The following ARB2A variants were observed in gnomAD, a reference collection of about 807,000 sequenced individuals.
ARB2A encodes the protein ARB2 cotranscriptional regulator A.
At chr5:93,852,741 G>A in the ARB2A span, among the ~76,000 whole-genome samples, 11 of 152,032 alleles carry the variant, frequency 7.2e-5, no homozygotes, top group African/African-American at 2.4e-4. Context: ...TTTTTCTCAG[G>A]TTTGTCAAAG....
the ARB2A span, among the ~76,000 whole-genome samples, chr5:93,638,867 T>G: frequency 4.6e-5 from 7 of 152,196 alleles, no homozygotes; most frequent in Non-Finnish European, 8.8e-5. Flanking sequence ...GTACTGATTT[T>G]GTATCCAGCA....
At chr5:93,932,446 ATGT>A in the ARB2A span, among the ~76,000 whole-genome samples, 1 of 152,166 alleles carries the variant, frequency 6.6e-6, no homozygotes, top group Non-Finnish European at 1.5e-5. Context: ...AATAAACATA[ATGT>A]TGATGATGAT....
At chr5:93,733,505 AATT>A in the ARB2A span, 8 of 152,180 alleles carry the variant, frequency 5.3e-5, no homozygotes, top group East Asian at 1.4e-3. Flanking sequence ...GGCTACACAC[AATT>A]ATTTTCTTAT....
the ARB2A span, among the ~76,000 whole-genome samples, chr5:93,947,033 T>C: frequency 3.0e-4 from 46 of 152,324 alleles, no homozygotes; most frequent in Non-Finnish European, 4.1e-4. Flanking sequence ...ATATTCTGCA[T>C]ACTGTCTTCC....
At chr5:93,944,440 T>A in the ARB2A span, among the ~76,000 whole-genome samples, 1 of 151,766 alleles carries the variant, frequency 6.6e-6, no homozygotes, top group East Asian at 1.9e-4. Flanking sequence ...GCCAAAAAAA[T>A]AAATAAATAA....
the ARB2A span, among the ~76,000 whole-genome samples, chr5:93,864,201 G>A: frequency 6.6e-6 from 1 of 152,138 alleles, no homozygotes; most frequent in Non-Finnish European, 1.5e-5. Flanking sequence ...TTAATGAACT[G>A]TAAAACCTTA....
At chr5:93,697,960 T>C in the ARB2A span, among the ~76,000 whole-genome samples, 1 of 152,124 alleles carries the variant, frequency 6.6e-6, no homozygotes, top group East Asian at 1.9e-4. Context: ...GAATCTTACA[T>C]AACTTGAAAA....
chr5:93,688,327 C>T, the ARB2A span, among the ~76,000 whole-genome samples: 2 of 152,320 alleles, frequency 1.3e-5, no homozygotes, highest in East Asian at 3.9e-4. Context: ...TAGGCTCGTG[C>T]TCCTTCTTTC....
chr5:93,761,187 T>G, the ARB2A span, among the ~76,000 whole-genome samples: 3 of 152,052 alleles, frequency 2.0e-5, no homozygotes, highest in Admixed American at 6.6e-5. Flanking sequence ...TTCAGCTCAC[T>G]GGGGAGTGTC....
chr5:93,865,310 T>C, the ARB2A span: 16 of 689,308 alleles, frequency 2.3e-5, no homozygotes, highest in Non-Finnish European at 2.7e-5. Context: ...CTCGATCTCC[T>C]GACCTTGTGA....
chr5:93,621,124 C>T, the ARB2A span: 1 of 1,610,440 alleles, frequency 6.2e-7, no homozygotes, highest in Non-Finnish European at 8.5e-7. Context: ...TCGTGACGGT[C>T]GGTGCCTGCA....
At chr5:93,922,134 C>T in the ARB2A span, among the ~76,000 whole-genome samples, 1 of 152,120 alleles carries the variant, frequency 6.6e-6, no homozygotes, top group Non-Finnish European at 1.5e-5. Flanking sequence ...AATGAAGATG[C>T]CATCATTGTT....
chr5:93,848,395 A>T, the ARB2A span, among the ~76,000 whole-genome samples: 1 of 151,956 alleles, frequency 6.6e-6, no homozygotes, highest in Non-Finnish European at 1.5e-5. Flanking sequence ...ATTAAAAAAA[A>T]AAAAAAAGAA....
chr5:93,765,149 C>G, the ARB2A span, among the ~76,000 whole-genome samples: 1 of 152,148 alleles, frequency 6.6e-6, no homozygotes, highest in African/African-American at 2.4e-5. Context: ...CAGGGATGCC[C>G]TCTCTCACCA....
the ARB2A span, among the ~76,000 whole-genome samples, chr5:93,691,203 A>G: frequency 6.6e-6 from 1 of 152,232 alleles, no homozygotes; most frequent in Admixed American, 6.5e-5. Flanking sequence ...AGTAGGAGTC[A>G]GAAGATGGAT....
chr5:93,729,268 ATGT>A, the ARB2A span, among the ~76,000 whole-genome samples: 7 of 152,088 alleles, frequency 4.6e-5, no homozygotes, highest in African/African-American at 1.4e-4. Context: ...CCGCTTGGTG[ATGT>A]AATCCTTGAT....
chr5:93,949,773 C>A, the ARB2A span, among the ~76,000 whole-genome samples: 1 of 152,080 alleles, frequency 6.6e-6, no homozygotes, highest in African/African-American at 2.4e-5. Flanking sequence ...TACCCATTAA[C>A]TATCCTCCCT....
chr5:94,056,993 C>T, the ARB2A span, among the ~76,000 whole-genome samples: 15 of 152,284 alleles, frequency 9.9e-5, no homozygotes, highest in South Asian at 8.3e-4. Flanking sequence ...AGAGCAACAA[C>T]GCTGAGTAAA....
At chr5:93,974,557 A>C in the ARB2A span, among the ~76,000 whole-genome samples, 1 of 152,124 alleles carries the variant, frequency 6.6e-6, no homozygotes, top group Non-Finnish European at 1.5e-5. Context: ...GAAAACAAAC[A>C]AACAAAAATC....
Sources: allele counts gnomAD v4.1 joint callset (sites outside exome capture counted in the v4.1 genomes callset), GRCh38; gene constraint gnomAD v4.1.1; transcripts MANE v1.5; gene names NCBI Gene and HGNC (gene_info 2026-07-23, HGNC 2026-07-21).